Variants in CSMD1 observed in about 807,000 individuals in gnomAD.
CSMD1 encodes the protein CUB and sushi domain-containing protein 1.
CSMD1 carries 213 observed loss-of-function variants against 417.5 expected under a neutral mutation model. That is an observed-to-expected ratio of 0.51 (90% CI 0.46 to 0.57). The LOEUF (loss-of-function observed/expected upper bound fraction) is 0.57, where lower values mean the gene tolerates loss of function less well. CSMD1 is among the 20% of genes least tolerant of loss of function. The pLI is 0.00. For missense variants in CSMD1, 6,923 were observed against 4,529.7 expected, an observed-to-expected ratio of 1.53 and a Z score of -15.17; for synonymous variants, 2,862 against 1,736.8, an observed-to-expected ratio of 1.65 and a Z score of -16.11.
In CSMD1 at chr8:3,579,070, G is replaced by A. The variant is rs73660309; in HGVS notation, c.1223-4004C>T. 7.4e-3 allele frequency among the ~76,000 whole-genome samples: 1,124 copies of A among 152,206 alleles called. 16 individuals are homozygous for A. The highest frequency in any genetic ancestry group is 0.026 in the African/African-American group (1,077 of 41,530). On this transcript the variant is annotated intron_variant, in intron 9 of 69. Transcript: ENST00000635120. ...ATAAAGGTACTTGGATAATAACTACGACCTAATGTACACCTGATGTTACTT... is the reference window on the plus strand; with the variant it reads ...ATAAAGGTACTTGGATAATAACTACAACCTAATGTACACCTGATGTTACTT...
chr8:4,753,079 C>T (rs1811435865), intron 1 of CSMD1, among the ~76,000 whole-genome samples: 1 of 152,110 alleles, frequency 6.6e-6, no homozygotes, highest in Non-Finnish European at 1.5e-5. Flanking sequence ...CTCACACCAT[C>T]CTTAAAAGAT....
At chr8:4,076,816 G>A (rs950863098) in intron 3 of CSMD1, among the ~76,000 whole-genome samples, 1 of 152,130 alleles carries the variant, frequency 6.6e-6, no homozygotes, top group Non-Finnish European at 1.5e-5. Context: ...CGCAAGGCCA[G>A]CCATGCCTTT....
chr8:4,438,360 C>T (rs1231357250), intron 2 of CSMD1, among the ~76,000 whole-genome samples: 1 of 152,150 alleles, frequency 6.6e-6, no homozygotes, highest in Non-Finnish European at 1.5e-5. Flanking sequence ...TGCATCACCC[C>T]TTTCTCACTG....
chr8:3,466,039 T>C (rs1450758078), intron 12 of CSMD1, among the ~76,000 whole-genome samples: 1 of 152,170 alleles, frequency 6.6e-6, no homozygotes. Context: ...ATTATTTATA[T>C]AATGAAAACA....
chr8:3,781,703 T>A (rs80315033), intron 5 of CSMD1, among the ~76,000 whole-genome samples: 1 of 152,144 alleles, frequency 6.6e-6, no homozygotes, highest in African/African-American at 2.4e-5. Context: ...CTACGGAGGT[T>A]CTAGGGTGTC....
chr8:4,179,377 G>A (rs1324661040), intron 3 of CSMD1, among the ~76,000 whole-genome samples: 2 of 152,190 alleles, frequency 1.3e-5, no homozygotes, highest in Admixed American at 1.3e-4. Flanking sequence ...CTAGCCATAT[G>A]TAGAAAGCTG....
At chr8:4,979,128 G>A (rs1158516336) in intron 1 of CSMD1, among the ~76,000 whole-genome samples, 2 of 152,130 alleles carry the variant, frequency 1.3e-5, no homozygotes, top group African/African-American at 2.4e-5. Flanking sequence ...TGACTCTACT[G>A]AGTCTCTAAT....
rs1328385851 is a variant in CSMD1, at chr8:4,549,918, AAAG to A, written c.302+87421_302+87423del. 7.4e-3 allele frequency among the ~76,000 whole-genome samples: 1,067 copies of A among 144,918 alleles called. 4 individuals are homozygous for A. Among genetic ancestry groups the A allele is most frequent in the Non-Finnish European group, 0.013 (836 of 66,740 alleles). On this transcript the variant is annotated intron_variant, in intron 2 of 69. Coordinates refer to ENST00000635120, the MANE Select transcript of CSMD1 (RefSeq NM_033225.6). The stretch of plus-strand genomic sequence containing the variant: ...TCTCAAAAAAAAAAAAAAAAAAAAA[AAAG>A]AAAAGAAAAGACATTACTTAGGTGA...
intron 12 of CSMD1, among the ~76,000 whole-genome samples, chr8:3,463,292 G>A (rs909384516): frequency 2.0e-5 from 3 of 152,194 alleles, no homozygotes; most frequent in Middle Eastern, 6.8e-3. Flanking sequence ...ACCAACTCAG[G>A]CTCTGCTTCC....
chr8:3,976,204 A>G (rs987763472), intron 5 of CSMD1, among the ~76,000 whole-genome samples: 4 of 152,148 alleles, frequency 2.6e-5, no homozygotes, highest in African/African-American at 9.7e-5. Context: ...TTAAAATGAC[A>G]TATGTACTGG....
intron 5 of CSMD1, among the ~76,000 whole-genome samples, chr8:3,882,051 A>C (rs1308241172): frequency 6.6e-6 from 1 of 152,230 alleles, no homozygotes; most frequent in Non-Finnish European, 1.5e-5. Context: ...TAACAATAAA[A>C]GAAAAAACAT....
chr8:4,806,467 C>G (rs1798594679), intron 1 of CSMD1, among the ~76,000 whole-genome samples: 1 of 145,860 alleles, frequency 6.9e-6, no homozygotes, highest in Non-Finnish European at 1.5e-5. Context: ...TTCCCACGCC[C>G]ATCTGTGGGC....
intron 3 of CSMD1, among the ~76,000 whole-genome samples, chr8:4,411,176 G>C (rs984549734): frequency 6.6e-6 from 1 of 151,998 alleles, no homozygotes; most frequent in Non-Finnish European, 1.5e-5. Flanking sequence ...CCAGTCTCAG[G>C]TAACACAGCA....
chr8:3,987,546 G>A (rs565368221), intron 5 of CSMD1, among the ~76,000 whole-genome samples: 3 of 152,210 alleles, frequency 2.0e-5, no homozygotes, highest in South Asian at 2.1e-4. Flanking sequence ...TAGCCCAAAT[G>A]GTGCAGCTAC....
chr8:3,975,249 T>C (rs888930838), intron 5 of CSMD1, among the ~76,000 whole-genome samples: 3 of 152,234 alleles, frequency 2.0e-5, no homozygotes, highest in African/African-American at 7.2e-5. Flanking sequence ...TGCTTCGTTA[T>C]TTATCAGTAT....
intron 3 of CSMD1, among the ~76,000 whole-genome samples, chr8:4,046,088 T>C (rs929077473): frequency 7.2e-5 from 11 of 152,160 alleles, no homozygotes; most frequent in African/African-American, 2.7e-4. Context: ...ACACACATTA[T>C]ATAACATATA....
intron 49 of CSMD1, among the ~76,000 whole-genome samples, chr8:3,084,316 G>C (rs1814357742): frequency 6.6e-6 from 1 of 152,080 alleles, no homozygotes; most frequent in Non-Finnish European, 1.5e-5. Context: ...CTGAGGTCAG[G>C]AGTTTGAGAC....
At chr8:3,927,412 G>C (rs1037944662) in intron 5 of CSMD1, among the ~76,000 whole-genome samples, 1 of 151,882 alleles carries the variant, frequency 6.6e-6, no homozygotes, top group African/African-American at 2.4e-5. Context: ...CCTACCTGTG[G>C]TCCCAACACT....
chr8:3,486,890 G>C (rs931602969), intron 11 of CSMD1, among the ~76,000 whole-genome samples: 3 of 152,178 alleles, frequency 2.0e-5, no homozygotes, highest in African/African-American at 7.2e-5. Flanking sequence ...AAACCACACA[G>C]GGTGTCCAGA....
Sources: allele counts gnomAD v4.1 joint callset (sites outside exome capture counted in the v4.1 genomes callset), GRCh38; gene constraint gnomAD v4.1.1; transcripts MANE v1.5; gene names NCBI Gene and HGNC (gene_info 2026-07-23, HGNC 2026-07-21).